DOCK10: variants seen among roughly 807,000 people sequenced by gnomAD.
DOCK10 encodes the protein dedicator of cytokinesis 10.
In DOCK10, 145 loss-of-function variants were observed where a neutral mutation model predicts 280.1. That is an observed-to-expected ratio of 0.52 (90% confidence interval 0.45 to 0.59). The LOEUF (loss-of-function observed/expected upper bound fraction) is 0.59, where lower values mean the gene tolerates loss of function less well. DOCK10 is among the 20% of genes least tolerant of loss of function. The pLI is 0.00. For synonymous variants in DOCK10, 915 were observed against 942.2 expected (o/e 0.97, Z 0.53); for missense variants, 2,368 against 2,651.7 (o/e 0.89, Z 2.35).
intron 29 of DOCK10, among the ~76,000 whole-genome samples, chr2:224,817,928 C>T (rs373827348): frequency 1.2e-4 from 18 of 152,268 alleles, no homozygotes; most frequent in African/African-American, 4.3e-4. Context: ...GATAATTTCC[C>T]CTTGAGGACT....
At chr2:225,017,868 C>A (rs1204278738) in intron 1 of DOCK10, among the ~76,000 whole-genome samples, 1 of 152,100 alleles carries the variant, frequency 6.6e-6, no homozygotes, top group Non-Finnish European at 1.5e-5. Context: ...TCCAAGTAAT[C>A]CTGGTCTGGG....
intron 3 of DOCK10, among the ~76,000 whole-genome samples, chr2:224,914,325 C>T (rs563424364): frequency 6.6e-6 from 1 of 152,078 alleles, no homozygotes; most frequent in Non-Finnish European, 1.5e-5. Flanking sequence ...TTAAAGCTAG[C>T]ATCTCTCTAA....
At chr2:224,859,329 G>T (rs1361830197) in intron 14 of DOCK10, among the ~76,000 whole-genome samples, 1 of 152,200 alleles carries the variant, frequency 6.6e-6, no homozygotes, top group African/African-American at 2.4e-5. Flanking sequence ...AATCACAAAA[G>T]AGTCCTGGCA....
rs554671497 is a variant in DOCK10 at position 225,010,675 on chromosome 2, G to T, written c.123+31577C>A. 1.9e-5 allele frequency: 3 copies of T among 154,212 alleles called. No individual in the cohort carries two copies. The East Asian group carries it at 5.8e-4, about 30-fold the overall frequency. 9.6% of individuals were successfully genotyped at this position (154,212 alleles called of 1,614,324 possible). A position where few individuals can be genotyped will look rare whatever the true frequency, so the allele number is the denominator to read the frequency against. On this transcript the variant is annotated intron_variant, in intron 1 of 55. Transcript: ENST00000258390. ...TAAGACAGTTCATACAATTTTGGGGGTTAACATTATTACAGAATGAATTAG... is the reference window on the plus strand; with the variant it reads ...TAAGACAGTTCATACAATTTTGGGGTTTAACATTATTACAGAATGAATTAG...
chr2:224,971,530 G>A (rs1014524322), intron 1 of DOCK10, among the ~76,000 whole-genome samples: 1 of 152,148 alleles, frequency 6.6e-6, no homozygotes, highest in Non-Finnish European at 1.5e-5. Flanking sequence ...GACAAATGCA[G>A]TAATAGCTAC....
intron 2 of DOCK10, among the ~76,000 whole-genome samples, chr2:224,919,858 G>A (rs1165038585): frequency 6.6e-6 from 1 of 152,056 alleles, no homozygotes; most frequent in East Asian, 1.9e-4. Context: ...ATGAATGCTC[G>A]CCCTAAAGCA....
At chr2:224,883,479 G>GT (rs1699093835) in intron 7 of DOCK10, among the ~76,000 whole-genome samples, 1 of 152,178 alleles carries the variant, frequency 6.6e-6, no homozygotes, top group Non-Finnish European at 1.5e-5. Flanking sequence ...TATATCCTAG[G>GT]TTGTGACCTT....
intron 31 of DOCK10, among the ~76,000 whole-genome samples, chr2:224,810,503 CT>C (rs1238424945): frequency 6.6e-6 from 1 of 151,194 alleles, no homozygotes; most frequent in Non-Finnish European, 1.5e-5. Context: ...TATTATTATA[CT>C]TTAAGTTTTA....
intron 31 of DOCK10, among the ~76,000 whole-genome samples, chr2:224,814,104 C>T (rs566236679): frequency 2.0e-5 from 3 of 152,018 alleles, no homozygotes; most frequent in Non-Finnish European, 4.4e-5. Flanking sequence ...AAAAATATTG[C>T]CAACCTCTGG....
Position 224,770,966 on chromosome 2 carries a change from C to T in DOCK10, c.6205-321G>A, listed in dbSNP as rs530326026. On this transcript the variant is annotated intron_variant, in intron 53 of 55. Coordinates refer to ENST00000258390, the MANE Select transcript of DOCK10 (RefSeq NM_014689.3). This position sits in a 1 kb window ranked among gnomAD's most constrained non-coding sequence, Gnocchi z 4.5. Reference sequence around the variant, plus strand: ...TTTTTTTCTTTGTTAGAGACAGGGTCTCACTCTGTTGCCCAGGCTAGAGTG... The same window carrying T: ...TTTTTTTCTTTGTTAGAGACAGGGTTTCACTCTGTTGCCCAGGCTAGAGTG... Among the ~76,000 whole-genome samples, 393 of 151,730 alleles carry T rather than the reference C, an allele frequency of 2.6e-3. 4 individuals carry two copies. Among genetic ancestry groups the T allele is most frequent in the African/African-American group, 8.9e-3 (366 of 41,318 alleles).
intron 2 of DOCK10, among the ~76,000 whole-genome samples, chr2:224,922,363 A>G (rs1701811054): frequency 6.6e-6 from 1 of 152,208 alleles, no homozygotes; most frequent in Non-Finnish European, 1.5e-5. Context: ...TGACCACAAG[A>G]GATTTCCTGT....
At chr2:225,015,919 T>C (rs1218089680) in intron 1 of DOCK10, among the ~76,000 whole-genome samples, 1 of 152,188 alleles carries the variant, frequency 6.6e-6, no homozygotes, top group Non-Finnish European at 1.5e-5. Flanking sequence ...TAAAATAAAA[T>C]GTTACTACCT....
At chr2:224,931,861 A>G (rs2126024174) in intron 1 of DOCK10, among the ~76,000 whole-genome samples, 193 bp from the exon 2 acceptor site, 1 of 152,310 alleles carries the variant, frequency 6.6e-6, no homozygotes, top group South Asian at 2.1e-4. Flanking sequence ...TAATATGAGA[A>G]AATCCTAAAA....
chr2:225,000,072 A>C (rs1045188650), intron 1 of DOCK10, among the ~76,000 whole-genome samples: 4 of 152,178 alleles, frequency 2.6e-5, no homozygotes, highest in African/African-American at 9.7e-5. Context: ...TGTGAATTTC[A>C]ATTTCATACA....
chr2:224,833,731 C>T (rs918683144), intron 26 of DOCK10, among the ~76,000 whole-genome samples: 1 of 152,114 alleles, frequency 6.6e-6, no homozygotes, highest in Non-Finnish European at 1.5e-5. Context: ...ACTGCAACCT[C>T]TGCCTCCCGG....
In DOCK10 at chr2:224,779,765, T is replaced by C. The variant is rs142831116; in HGVS notation, c.5656-1481A>G. Among the ~76,000 whole-genome samples, 219 of 152,302 alleles carry C rather than the reference T, an allele frequency of 1.4e-3. 1 individual carries two copies. Among genetic ancestry groups the C allele is most frequent in the Admixed American group, 4.6e-3 (71 of 15,298 alleles). ...ACTTTCATACATGTAAATAGGATCA[T>C]CTTTAACAGGGTAATTTTTATTCTA... is the stretch of plus-strand genomic sequence containing the variant. On this transcript the variant is annotated intron_variant, in intron 50 of 55. Coordinates refer to ENST00000258390, the MANE Select transcript of DOCK10 (RefSeq NM_014689.3).
chr2:224,910,371 T>C (rs894069698), intron 3 of DOCK10, among the ~76,000 whole-genome samples: 7 of 152,196 alleles, frequency 4.6e-5, no homozygotes, highest in African/African-American at 1.7e-4. Context: ...AGAAGTTTTC[T>C]TTCCAGAGGA....
chr2:224,881,253 G>A (rs1224200375), intron 7 of DOCK10, among the ~76,000 whole-genome samples: 1 of 151,754 alleles, frequency 6.6e-6, no homozygotes, highest in Non-Finnish European at 1.5e-5. Context: ...TACCATATTT[G>A]TTTTGTTTTT....
chr2:224,811,255 G>T (rs780482450), intron 31 of DOCK10, among the ~76,000 whole-genome samples: 3 of 152,036 alleles, frequency 2.0e-5, no homozygotes, highest in African/African-American at 4.8e-5. Flanking sequence ...GCATTTTTTC[G>T]TGTGTTTTTT....
Sources: allele counts gnomAD v4.1 joint callset (sites outside exome capture counted in the v4.1 genomes callset), GRCh38; gene constraint gnomAD v4.1.1; non-coding constraint Gnocchi (gnomAD v3.1); transcripts MANE v1.5; gene names NCBI Gene and HGNC (gene_info 2026-07-23, HGNC 2026-07-21).